The following FAM107B variants were observed in gnomAD, a reference collection of about 807,000 sequenced individuals.
FAM107B encodes family with sequence similarity 107 member B.
In FAM107B, 21 loss-of-function variants were observed where a neutral mutation model predicts 31.5. The observed-to-expected ratio is 0.67, with a 90% CI of 0.47 to 0.96. FAM107B has a LOEUF of 0.96. FAM107B is among the 40% of genes least tolerant of loss of function. The pLI is 0.00. For synonymous variants in FAM107B, 157 were observed against 141.5 expected (o/e 1.11, Z -0.78); for missense variants, 452 against 377.1 (o/e 1.20, Z -1.64).
In FAM107B at chr10:14,519,657, T is replaced by A. The variant is rs544375929; in HGVS notation, c.*1533A>T. 6.6e-6 allele frequency: 1 copy of A among 152,232 alleles called. No individual in the cohort carries two copies. The highest frequency in any genetic ancestry group is 1.5e-5 in the Non-Finnish European group (1 of 68,034). The allele number at this position is 152,232 out of a possible 1,614,324, so 9.4% of individuals were successfully genotyped here. A position where few individuals can be genotyped will look rare whatever the true frequency, so the allele number is the denominator to read the frequency against. On this transcript the variant is annotated 3_prime_UTR_variant, in exon 5 of 5. Coordinates refer to ENST00000181796, the MANE Select transcript of FAM107B (RefSeq NM_031453.4). The stretch of plus-strand genomic sequence containing the variant: ...CTTTTGTTCCCATTCAGATTGAATA[T>A]GGGCCTAATTGTCAACTGCTAACAC...
chr10:14,545,759 T>C (rs1249530956), intron 2 of FAM107B, among the ~76,000 whole-genome samples: 1 of 152,244 alleles, frequency 6.6e-6, no homozygotes, highest in Non-Finnish European at 1.5e-5. Context: ...AAAATTAAAA[T>C]TGGTAAAATA....
intron 1 of FAM107B, among the ~76,000 whole-genome samples, chr10:14,748,683 A>C (rs1832772109): frequency 6.6e-6 from 1 of 152,254 alleles, no homozygotes; most frequent in Admixed American, 6.5e-5. Context: ...TCAAAGTTGC[A>C]GCAGAGCGGT....
chr10:14,640,595 G>A lies in FAM107B; in HGVS notation c.469+27039C>T, dbSNP rs1853603816. The stretch of plus-strand genomic sequence containing the variant: ...ATAATAAAGAGGTGCTTTCTTGCAA[G>A]TGAAATAAAACCAGTGAATTTTCTT... On this transcript the variant is annotated intron_variant, in intron 2 of 4. Coordinates refer to ENST00000181796, the MANE Select transcript of FAM107B (RefSeq NM_031453.4). Among the ~76,000 whole-genome samples the A allele has an allele frequency of 2.6e-5, 4 of 152,314 alleles. No individual in the cohort carries two copies. In the East Asian group the frequency reaches 7.7e-4, roughly 29 times the overall value.
At chr10:14,539,945 C>T (rs1848010852) in intron 2 of FAM107B, among the ~76,000 whole-genome samples, 4 of 152,158 alleles carry the variant, frequency 2.6e-5, no homozygotes, top group Admixed American at 2.0e-4. Flanking sequence ...AGAGGAATGT[C>T]CCCTAGGTTC....
intron 2 of FAM107B, among the ~76,000 whole-genome samples, chr10:14,606,661 G>A (rs1852597395): frequency 6.6e-6 from 1 of 152,048 alleles, no homozygotes; most frequent in Admixed American, 6.5e-5. Context: ...TAAGGAGGCA[G>A]AGACACCAGA....
chr10:14,597,501 A>G (rs1473573341), intron 2 of FAM107B, among the ~76,000 whole-genome samples: 1 of 152,266 alleles, frequency 6.6e-6, no homozygotes, highest in East Asian at 1.9e-4. Context: ...GGAATAAAAC[A>G]GGCTATTTCT....
intron 1 of FAM107B, among the ~76,000 whole-genome samples, chr10:14,754,766 T>C (rs1309039824): frequency 6.6e-6 from 1 of 152,254 alleles, no homozygotes; most frequent in Non-Finnish European, 1.5e-5. Flanking sequence ...TTTGTGCCTG[T>C]AAGATGCAGA....
intron 1 of FAM107B, among the ~76,000 whole-genome samples, chr10:14,749,619 G>A (rs563733094): frequency 2.0e-5 from 3 of 152,274 alleles, no homozygotes; most frequent in East Asian, 3.9e-4. Context: ...CAGCCACAGC[G>A]AGGCCTTCGC....
chr10:14,573,111 A>G (rs1851338590), intron 2 of FAM107B, among the ~76,000 whole-genome samples: 1 of 152,128 alleles, frequency 6.6e-6, no homozygotes, highest in South Asian at 2.1e-4. Context: ...GCTACCTCCC[A>G]GTGCCGCAGC....
rs1483993363 is a variant in FAM107B at position 14,518,578 on chromosome 10, T to C, written c.*2612A>G. The stretch of plus-strand genomic sequence containing the variant: ...ATGGTTGCATGGTCCAAGCATGTGG[T>C]GATTTTTATTAAGAATAACTTTGGT... On this transcript the variant is annotated 3_prime_UTR_variant, in exon 5 of 5. Transcript: ENST00000181796. 1 of 152,686 alleles carries C rather than the reference T, an allele frequency of 6.5e-6. No individual in the cohort carries two copies. The highest frequency in any genetic ancestry group is 1.5e-5 in the Non-Finnish European group (1 of 68,042). 9.5% of individuals were successfully genotyped at this position (152,686 alleles called of 1,614,324 possible).
At chr10:14,736,897 T>C (rs1459444064) in intron 1 of FAM107B, among the ~76,000 whole-genome samples, 1 of 152,196 alleles carries the variant, frequency 6.6e-6, no homozygotes, top group Non-Finnish European at 1.5e-5. Flanking sequence ...AGAGACCCAC[T>C]GAAGCCTTGA....
At chr10:14,621,111 T>C (rs1352956514) in intron 2 of FAM107B, among the ~76,000 whole-genome samples, 2 of 152,234 alleles carry the variant, frequency 1.3e-5, no homozygotes, top group Non-Finnish European at 2.9e-5. Context: ...GGATTTTTAA[T>C]GTAGATAATC....
At chr10:14,578,601 T>C (rs893547084) in intron 2 of FAM107B, among the ~76,000 whole-genome samples, 10 of 152,182 alleles carry the variant, frequency 6.6e-5, no homozygotes, top group African/African-American at 2.4e-4. Context: ...CAGTCTTCAT[T>C]TGCGACATAT....
chr10:14,598,978 G>A (rs528364352), intron 2 of FAM107B, among the ~76,000 whole-genome samples: 40 of 152,258 alleles, frequency 2.6e-4, no homozygotes, highest in African/African-American at 9.1e-4. Context: ...ACCTTGCTCC[G>A]TTCAGCAACT....
intron 1 of FAM107B, among the ~76,000 whole-genome samples, chr10:14,684,741 C>A (rs988143798): frequency 3.9e-5 from 6 of 152,114 alleles, no homozygotes; most frequent in African/African-American, 1.4e-4. Flanking sequence ...ATTAGTAATA[C>A]TTCAGATCTA....
At chr10:14,703,236 T>C (rs1855443251) in intron 1 of FAM107B, among the ~76,000 whole-genome samples, 1 of 152,136 alleles carries the variant, frequency 6.6e-6, no homozygotes, top group Admixed American at 6.5e-5. Context: ...GATTTTTCAA[T>C]GAACCCTCCA....
chr10:14,623,552 G>C (rs1024126233), intron 2 of FAM107B, among the ~76,000 whole-genome samples: 1 of 152,210 alleles, frequency 6.6e-6, no homozygotes, highest in Admixed American at 6.5e-5. Context: ...CTGGGTCAGC[G>C]TGGTGGCTTA....
chr10:14,540,605 G>A (rs1485932930), intron 2 of FAM107B, among the ~76,000 whole-genome samples: 1 of 152,126 alleles, frequency 6.6e-6, no homozygotes, highest in East Asian at 1.9e-4. Context: ...AACGCCACCA[G>A]CAGTCCAGGC....
intron 2 of FAM107B, among the ~76,000 whole-genome samples, chr10:14,628,167 A>T (rs1853223088): frequency 1.7e-5 from 2 of 119,926 alleles, no homozygotes; most frequent in South Asian, 5.6e-4. Context: ...CCCAGGCTGG[A>T]GTGCAGTGGC....
Sources: allele counts gnomAD v4.1 joint callset (sites outside exome capture counted in the v4.1 genomes callset), GRCh38; gene constraint gnomAD v4.1.1; transcripts MANE v1.5; gene names NCBI Gene and HGNC (gene_info 2026-07-23, HGNC 2026-07-21).